KMT5A: variants seen among roughly 807,000 people sequenced by gnomAD.
KMT5A encodes the protein N-lysine methyltransferase KMT5A.
Under a neutral mutation model 40.6 loss-of-function variants are expected in KMT5A, and 6 were observed. The ratio of observed to expected loss-of-function variants is 0.15; its 90% CI spans 0.08 to 0.29. The LOEUF (loss-of-function observed/expected upper bound fraction) is 0.29. KMT5A is among the 10% of genes least tolerant of loss of function. The pLI is 1.00. For synonymous variants in KMT5A, 153 were observed against 178.8 expected, an observed-to-expected ratio of 0.86 and a Z score of 1.15; for missense variants, 308 against 459.1, an observed-to-expected ratio of 0.67 and a Z score of 3.01.
chr12:123,399,963 A>G (rs571340387), intron 5 of KMT5A, among the ~76,000 whole-genome samples: 3 of 152,134 alleles, frequency 2.0e-5, no homozygotes, highest in Non-Finnish European at 4.4e-5. Context: ...ACCTGGGATT[A>G]CAGGCGCCCA....
intron 5 of KMT5A, among the ~76,000 whole-genome samples, chr12:123,400,184 T>C (rs1311570054): frequency 3.3e-5 from 5 of 151,624 alleles, no homozygotes; most frequent in East Asian, 3.9e-4. Flanking sequence ...TACAGGCGCC[T>C]GCCACCACGC....
intron 5 of KMT5A, among the ~76,000 whole-genome samples, chr12:123,401,171 T>C (rs1488886772): frequency 1.3e-4 from 13 of 100,178 alleles, no homozygotes; most frequent in African/African-American, 4.8e-4. Flanking sequence ...TTTTTTGAGA[T>C]GGAGTCTTGC....
At chr12:123,400,363 CA>C (rs1332051821) in intron 5 of KMT5A, among the ~76,000 whole-genome samples, 1 of 110,834 alleles carries the variant, frequency 9.0e-6, no homozygotes, top group Admixed American at 1.0e-4. Context: ...TTTTATTTTG[CA>C]ATTTTTTTTT....
intron 6 of KMT5A, among the ~76,000 whole-genome samples, 185 bp downstream of exon 6, chr12:123,403,817 A>T (rs190389733): frequency 2.8e-4 from 43 of 152,352 alleles, no homozygotes; most frequent in African/African-American, 1.0e-3. Flanking sequence ...CTTATGAAGG[A>T]AACATAAATG....
chr12:123,388,744 G>C (rs1325210563), intron 1 of KMT5A: 1 of 150,892 alleles, frequency 6.6e-6, no homozygotes, highest in Non-Finnish European at 1.5e-5. Flanking sequence ...AAAAGGAGCC[G>C]GGCGGGCTGG....
chr12:123,390,176 C>T (rs971400808), intron 2 of KMT5A: 2 of 461,798 alleles, frequency 4.3e-6, no homozygotes, highest in South Asian at 1.5e-5. Context: ...TCATGGGGCT[C>T]TGGCTGTGCT....
intron 1 of KMT5A, among the ~76,000 whole-genome samples, chr12:123,386,837 G>C (rs1468918024): frequency 6.6e-6 from 1 of 151,744 alleles, no homozygotes; most frequent in Non-Finnish European, 1.5e-5. Flanking sequence ...ACCTGGTGGG[G>C]GGGTCTCCAA....
At position 123,388,107 on chromosome 12, in the gene KMT5A, G is replaced by A. The variant is rs549281991; in HGVS notation, c.11-1326G>A. ...CAGCCACCAGAGTGACGGGAACCTCGTCTGCCTATGGGGGCATTTTCTCAC... is the reference window on the plus strand; with the variant it reads ...CAGCCACCAGAGTGACGGGAACCTCATCTGCCTATGGGGGCATTTTCTCAC... On this transcript the variant is annotated intron_variant, in intron 1 of 7. Transcript: ENST00000402868. 4.6e-5 allele frequency among the ~76,000 whole-genome samples: 7 copies of A among 152,332 alleles called. No homozygotes were observed. The South Asian group carries it at 1.4e-3, about 32-fold the overall frequency.
rs28508025 is a variant in KMT5A at position 123,408,862 on chromosome 12, G to A, written c.*1159G>A. The A allele has an allele frequency of 0.069, 10,538 of 152,796 alleles. 435 individuals are homozygous for A. Among genetic ancestry groups the A allele is most frequent in the East Asian group, 0.19 (980 of 5,170 alleles). 9.5% of individuals were successfully genotyped at this position (152,796 alleles called of 1,614,324 possible). A position where few individuals can be genotyped will look rare whatever the true frequency, so the allele number is the denominator to read the frequency against. ...CAGCCTCAGAAAGGCACCCAGGTGT[G>A]CAGGGGAGCACACAGGGCCCGGCAG... is the stretch of plus-strand genomic sequence containing the variant. On this transcript the variant is annotated 3_prime_UTR_variant, in exon 8 of 8. Coordinates refer to ENST00000402868, the MANE Select transcript of KMT5A (RefSeq NM_020382.7).
At chr12:123,405,232 T>A (rs1447976244) in intron 7 of KMT5A, among the ~76,000 whole-genome samples, 158 bp downstream of exon 7, 1 of 152,004 alleles carries the variant, frequency 6.6e-6, no homozygotes, top group East Asian at 1.9e-4. Context: ...CTTGCTCTGT[T>A]GCCCAGGCTG....
At chr12:123,397,438 T>C (rs965280382) in intron 5 of KMT5A, among the ~76,000 whole-genome samples, 1 of 152,220 alleles carries the variant, frequency 6.6e-6, no homozygotes, top group Non-Finnish European at 1.5e-5. Context: ...TCATGCGGAC[T>C]CCTTCAGCGT....
intron 1 of KMT5A, chr12:123,388,401 C>G (rs769524199): frequency 6.6e-6 from 1 of 152,282 alleles, no homozygotes; most frequent in Non-Finnish European, 1.5e-5. Context: ...GAGACTCGCC[C>G]AGGAAACCGA....
chr12:123,404,429 G>A (rs772723848), intron 6 of KMT5A, among the ~76,000 whole-genome samples: 1 of 152,188 alleles, frequency 6.6e-6, no homozygotes, highest in African/African-American at 2.4e-5. Context: ...TAGAGACCCA[G>A]AACACTGGGC....
chr12:123,392,356 G>A (rs1478829279), intron 3 of KMT5A, among the ~76,000 whole-genome samples: 1 of 152,158 alleles, frequency 6.6e-6, no homozygotes, highest in Non-Finnish European at 1.5e-5. Context: ...AAATGGCCAT[G>A]ATTAGAATTT....
At chr12:123,389,600 C>T (rs1877121866) in intron 2 of KMT5A, 46 bp downstream of exon 2, 4 of 1,058,930 alleles carry the variant, frequency 3.8e-6, no homozygotes, top group Non-Finnish European at 4.6e-6. Flanking sequence ...CCCGCCGGGC[C>T]GGGGCCGCGA....
At chr12:123,387,564 G>C (rs553056441) in intron 1 of KMT5A, among the ~76,000 whole-genome samples, 1 of 152,328 alleles carries the variant, frequency 6.6e-6, no homozygotes, top group Admixed American at 6.5e-5. Flanking sequence ...AACTGTAGTA[G>C]GCTCTGCAGA....
Position 123,389,420 on chromosome 12 carries a change from T to C in KMT5A, c.11-13T>C. 1 of 1,044,008 alleles carries C rather than the reference T, an allele frequency of 9.6e-7. No individual in the cohort carries two copies. The highest frequency in any genetic ancestry group is 1.1e-6 in the Non-Finnish European group (1 of 872,214). The allele number at this position is 1,044,008 out of a possible 1,614,324, so 64.7% of individuals were successfully genotyped here. A position where few individuals can be genotyped will look rare whatever the true frequency, so the allele number is the denominator to read the frequency against. On this transcript the variant is annotated splice_polypyrimidine_tract_variant and intron_variant, in intron 1 of 7. Transcript: ENST00000402868. The stretch of plus-strand genomic sequence containing the variant: ...CGCCCCCTCCCCCGCTTCCCCCGGG[T>C]CCCCTTCTCCAGGCAGGAAGATGTC...
rs535938733 is a variant in KMT5A, at chr12:123,403,293, C to G, written c.598-280C>G. On this transcript the variant is annotated intron_variant, in intron 5 of 7. Transcript: ENST00000402868. ...TTAACGTGCTGCATGGGCAACAGAA[C>G]ATATCTACGAGCCCCATTCTGTTCT... Among the ~76,000 whole-genome samples, 96 of 152,370 alleles carry G rather than the reference C, an allele frequency of 6.3e-4. 1 individual carries two copies. The highest frequency in any genetic ancestry group is 2.3e-3 in the African/African-American group (94 of 41,594).
chr12:123,397,794 G>C (rs1032076213), intron 5 of KMT5A, among the ~76,000 whole-genome samples: 2 of 151,268 alleles, frequency 1.3e-5, no homozygotes, highest in African/African-American at 4.9e-5. Context: ...AGCCTCCTGA[G>C]TAGCTGGGAC....
Sources: allele counts gnomAD v4.1 joint callset (sites outside exome capture counted in the v4.1 genomes callset), GRCh38; gene constraint gnomAD v4.1.1; transcripts MANE v1.5; gene names NCBI Gene and HGNC (gene_info 2026-07-23, HGNC 2026-07-21).